Variants in TBC1D9 observed in about 807,000 individuals in gnomAD.
TBC1D9 encodes TBC1 domain family member 9A.
A neutral mutation model predicts 132.0 loss-of-function variants in TBC1D9; 63 were observed. That is an observed-to-expected ratio of 0.48 (90% confidence interval 0.39 to 0.59). The LOEUF (loss-of-function observed/expected upper bound fraction) is 0.59, where lower values mean the gene tolerates loss of function less well. TBC1D9 is among the 20% of genes least tolerant of loss of function. TBC1D9 has a pLI of 0.00. For synonymous variants in TBC1D9, 610 were observed against 609.9 expected (o/e 1.00, Z 0.00); for missense variants, 1,261 against 1,592.7 (o/e 0.79, Z 3.54).
chr4:140,712,602 C>T (rs888772836), intron 1 of TBC1D9, among the ~76,000 whole-genome samples: 12 of 151,244 alleles, frequency 7.9e-5, no homozygotes, highest in Non-Finnish European at 1.3e-4. Flanking sequence ...ATTAGCTAGG[C>T]GTAGTGGCGG....
chr4:140,642,922 G>A (rs1469436891), intron 13 of TBC1D9: 4 of 596,424 alleles, frequency 6.7e-6, no homozygotes, highest in South Asian at 2.2e-5. Context: ...TCCCGGCGCC[G>A]CTGCAGCTTC....
intron 15 of TBC1D9, among the ~76,000 whole-genome samples, chr4:140,635,397 G>A (rs1346032767): frequency 6.6e-6 from 1 of 152,170 alleles, no homozygotes; most frequent in Non-Finnish European, 1.5e-5. Flanking sequence ...TGGGAGGATA[G>A]TTTGAGCCCA....
chr4:140,681,600 A>G (rs1467769849), intron 3 of TBC1D9, among the ~76,000 whole-genome samples: 1 of 152,166 alleles, frequency 6.6e-6, no homozygotes, highest in East Asian at 1.9e-4. Context: ...AAAGCATCCC[A>G]AAGTCCCTCT....
intron 3 of TBC1D9, among the ~76,000 whole-genome samples, chr4:140,681,815 C>G (rs1737706223): frequency 6.6e-6 from 1 of 152,176 alleles, no homozygotes; most frequent in Non-Finnish European, 1.5e-5. Flanking sequence ...CTCAATCTTC[C>G]CAAGTCAACC....
chr4:140,723,464 G>A (rs1356681577), intron 1 of TBC1D9, among the ~76,000 whole-genome samples: 1 of 152,184 alleles, frequency 6.6e-6, no homozygotes, highest in African/African-American at 2.4e-5. Context: ...CTCCCAAGTA[G>A]CTGTGACTAC....
At chr4:140,701,433 C>T in intron 2 of TBC1D9, 71 bp downstream of exon 2, 2 of 1,161,296 alleles carry the variant, frequency 1.7e-6, no homozygotes, top group Non-Finnish European at 2.5e-6. Context: ...ACGTTCCTTT[C>T]CTTCTGATAA....
chr4:140,679,286 C>T, intron 4 of TBC1D9, 83 bp from the exon 5 acceptor site: 1 of 1,427,744 alleles, frequency 7.0e-7, no homozygotes, highest in Non-Finnish European at 9.5e-7. Flanking sequence ...CCCCACTCCC[C>T]CATCCCACTG....
chr4:140,622,839 T>G lies in TBC1D9; in HGVS notation c.3157A>C (p.Thr1053Pro). 6.3e-7 allele frequency: 1 copy of G among 1,598,194 alleles called. No individual in the cohort carries two copies. The highest frequency in any genetic ancestry group is 8.5e-7 in the Non-Finnish European group (1 of 1,175,166). The part of the protein sequence containing the change: ...DPNEQELYHA[T>P]AAVTSLLLEI... Reference sequence around the variant, plus strand: ...AGCAGGAGGCTGGTCACTGCTGCCGTGGCGTGGTACAGCTCCTGCTCATTG... The same window carrying G: ...AGCAGGAGGCTGGTCACTGCTGCCGGGGCGTGGTACAGCTCCTGCTCATTG... The change falls in exon 21 of 21, where the codon ACG (threonine) becomes CCG (proline). Residue 1053 changes from threonine (T) to proline (P), a missense_variant. By Grantham distance (38) the Thr-to-Pro change is conservative (BLOSUM62 -1). Coordinates refer to ENST00000442267, the MANE Select transcript of TBC1D9 (RefSeq NM_015130.3).
At chr4:140,673,705 T>C (rs1013505566) in intron 6 of TBC1D9, among the ~76,000 whole-genome samples, 2 of 152,332 alleles carry the variant, frequency 1.3e-5, no homozygotes, top group African/African-American at 2.4e-5. Flanking sequence ...TTCTAAATGC[T>C]ACCTCTGCAG....
At chr4:140,666,938 C>T (rs1578832047) in intron 9 of TBC1D9, among the ~76,000 whole-genome samples, 1 of 152,338 alleles carries the variant, frequency 6.6e-6, no homozygotes, top group East Asian at 1.9e-4. Context: ...GCTGGCCTCA[C>T]CACTCACGCT....
Position 140,634,160 on chromosome 4 carries a change from C to G in TBC1D9, c.2534G>C (p.Gly845Ala). 1.2e-6 allele frequency: 2 copies of G among 1,613,616 alleles called. No homozygotes were observed. Among genetic ancestry groups the G allele is most frequent in the Non-Finnish European group, 1.7e-6 (2 of 1,179,880 alleles). The change falls in exon 16 of 21, where the codon GGC (glycine) becomes GCC (alanine). Residue 845 changes from glycine to alanine, a missense_variant. Physicochemically the swap from Gly to Ala is moderately conservative, Grantham distance 60 (BLOSUM62 0). Around this residue, in one of 3 missense-constraint regions of TBC1D9, gnomAD observed 618 missense variants for 724.4 expected, o/e 0.85. Transcript: ENST00000442267. ...CCGGTCCAGCGCGTTGCTGCTCCCG[C>G]CCCAGTAGCAGCTGGTGAGATGTTC... Reference protein sequence around the residue: ...KAEHLTSCYWGGSSNALDRHD... With the variant: ...KAEHLTSCYWAGSSNALDRHD...
At chr4:140,649,095 A>G (rs1356145955) in intron 13 of TBC1D9, among the ~76,000 whole-genome samples, 2 of 152,220 alleles carry the variant, frequency 1.3e-5, no homozygotes, top group East Asian at 1.9e-4. Flanking sequence ...ATCAAGTTCA[A>G]TCAGCCCTTC....
At chr4:140,689,826 C>T (rs1011973410) in intron 2 of TBC1D9, among the ~76,000 whole-genome samples, 3 of 143,926 alleles carry the variant, frequency 2.1e-5, no homozygotes, top group Non-Finnish European at 3.0e-5. Context: ...TGGCTCACTG[C>T]ATCCTCAAAC....
At chr4:140,747,966 T>A (rs780876697) in intron 1 of TBC1D9, among the ~76,000 whole-genome samples, 3 of 152,210 alleles carry the variant, frequency 2.0e-5, no homozygotes, top group Non-Finnish European at 4.4e-5. Flanking sequence ...AATAACATTA[T>A]CTTCTCCTTC....
rs1217891961 is a variant in TBC1D9 at position 140,663,381 on chromosome 4, A to T, written c.1589-1274T>A. Among the ~76,000 whole-genome samples the T allele has an allele frequency of 2.0e-5, 3 of 152,336 alleles. No homozygotes were observed. In the East Asian group the frequency reaches 5.8e-4, roughly 29 times the overall value. On this transcript the variant is annotated intron_variant, in intron 9 of 20. Coordinates refer to ENST00000442267, the MANE Select transcript of TBC1D9 (RefSeq NM_015130.3). ...CCTGTCAGAATGGCTATGATAAAAA[A>T]GACAAAAGATAACAAGTGTCAGCAA...
chr4:140,713,093 T>C (rs1271759188), intron 1 of TBC1D9, among the ~76,000 whole-genome samples: 2 of 152,190 alleles, frequency 1.3e-5, no homozygotes, highest in African/African-American at 4.8e-5. Context: ...GGTCTGAGTC[T>C]TGAGGTTAAT....
At chr4:140,751,685 A>C (rs1036314410) in intron 1 of TBC1D9, among the ~76,000 whole-genome samples, 1 of 152,228 alleles carries the variant, frequency 6.6e-6, no homozygotes. Flanking sequence ...ATTTTGCCAC[A>C]CATGTAACAG....
intron 3 of TBC1D9, among the ~76,000 whole-genome samples, chr4:140,680,711 C>A (rs530940530): frequency 6.6e-6 from 1 of 152,256 alleles, no homozygotes; most frequent in East Asian, 1.9e-4. Context: ...ATCTGTGTAG[C>A]CTTGGCCAAC....
chr4:140,672,561 T>C (rs12643256), intron 6 of TBC1D9, among the ~76,000 whole-genome samples: 54,326 of 152,036 alleles, frequency 0.36, 11,589 homozygotes, highest in South Asian at 0.47. Context: ...CAGTTAGCTA[T>C]GTGGATCTTG....
Sources: allele counts gnomAD v4.1 joint callset (sites outside exome capture counted in the v4.1 genomes callset), GRCh38; gene constraint gnomAD v4.1.1; regional missense constraint gnomAD v4.1.1; transcripts MANE v1.5; gene names NCBI Gene and HGNC (gene_info 2026-07-23, HGNC 2026-07-21).